Variants in CORIN observed in about 807,000 individuals in gnomAD.
The protein encoded by CORIN is atrial natriuretic peptide-converting enzyme.
In CORIN, 117 loss-of-function variants were observed where a neutral mutation model predicts 125.3. The ratio of observed to expected loss-of-function variants is 0.93; its 90% CI spans 0.80 to 1.09. CORIN has a LOEUF of 1.09. CORIN is among the 50% of genes least tolerant of loss of function. CORIN has a pLI of 0.00. For synonymous variants in CORIN, 450 were observed against 466.4 expected (o/e 0.96, Z 0.45); for missense variants, 1,253 against 1,306.7 (o/e 0.96, Z 0.63).
chr4:47,684,931 G>GA (rs58636467), intron 6 of CORIN, among the ~76,000 whole-genome samples: 7 of 150,722 alleles, frequency 4.6e-5, no homozygotes, highest in Non-Finnish European at 8.9e-5. Context: ...CAAAACAAAA[G>GA]AAAAAAAAAT....
intron 5 of CORIN, among the ~76,000 whole-genome samples, chr4:47,693,550 C>A (rs888804820): frequency 6.6e-6 from 1 of 151,904 alleles, no homozygotes; most frequent in African/African-American, 2.4e-5. Flanking sequence ...AGTAAATAAC[C>A]ATTTACTGTG....
At chr4:47,597,732 A>G (rs1405249075) in intron 21 of CORIN, among the ~76,000 whole-genome samples, 1 of 152,180 alleles carries the variant, frequency 6.6e-6, no homozygotes, top group Non-Finnish European at 1.5e-5. Context: ...TTAAAATGGA[A>G]TGTGTTTAGA....
At chr4:47,777,782 T>A (rs1416700651) in intron 3 of CORIN, among the ~76,000 whole-genome samples, 2 of 152,336 alleles carry the variant, frequency 1.3e-5, no homozygotes, top group Non-Finnish European at 2.9e-5. Flanking sequence ...ACTCATTACC[T>A]TACTCATTTC....
At chr4:47,799,331 T>C (rs1182502765) in intron 2 of CORIN, among the ~76,000 whole-genome samples, 2 of 152,182 alleles carry the variant, frequency 1.3e-5, no homozygotes, top group African/African-American at 4.8e-5. Context: ...GTAGTTCCAT[T>C]TGAAGTTCTT....
chr4:47,812,577 A>G (rs1732108102), intron 1 of CORIN, among the ~76,000 whole-genome samples: 1 of 152,198 alleles, frequency 6.6e-6, no homozygotes, highest in Non-Finnish European at 1.5e-5. Context: ...GAAACATTCA[A>G]GCTGAAAGAG....
chr4:47,635,277 T>C (rs1320770035), intron 16 of CORIN, among the ~76,000 whole-genome samples: 1 of 151,932 alleles, frequency 6.6e-6, no homozygotes. Context: ...TCTGAGGAGC[T>C]ATTATTTTAG....
chr4:47,686,277 T>C (rs1425113331), intron 6 of CORIN, among the ~76,000 whole-genome samples: 2 of 152,032 alleles, frequency 1.3e-5, no homozygotes, highest in African/African-American at 4.8e-5. Context: ...GGTGTGTATG[T>C]GCACAGACAC....
intron 1 of CORIN, among the ~76,000 whole-genome samples, chr4:47,832,128 G>C (rs1434882506): frequency 1.3e-5 from 2 of 152,138 alleles, no homozygotes; most frequent in Non-Finnish European, 2.9e-5. Flanking sequence ...TCCTTCTGTT[G>C]TATTAGTTTC....
chr4:47,618,380 G>GGGAAA (rs1722157864), intron 19 of CORIN, among the ~76,000 whole-genome samples: 2 of 151,226 alleles, frequency 1.3e-5, no homozygotes, highest in African/African-American at 2.4e-5. Context: ...GGGAAAGGAA[G>GGGAAA]GGAAAGGAAA....
intron 1 of CORIN, among the ~76,000 whole-genome samples, chr4:47,818,157 A>T (rs1732353434): frequency 2.0e-5 from 3 of 152,234 alleles, no homozygotes; most frequent in Admixed American, 2.0e-4. Flanking sequence ...ATGGTTTGAA[A>T]AACATAGTTC....
At chr4:47,719,387 T>C (rs915965543) in intron 5 of CORIN, among the ~76,000 whole-genome samples, 3 of 152,178 alleles carry the variant, frequency 2.0e-5, no homozygotes, top group Non-Finnish European at 2.9e-5. Flanking sequence ...ATTTGTTATA[T>C]AAATGAATAG....
chr4:47,600,630 T>C (rs1288740622), intron 20 of CORIN, among the ~76,000 whole-genome samples: 1 of 152,142 alleles, frequency 6.6e-6, no homozygotes, highest in East Asian at 1.9e-4. Context: ...CCTTACCATA[T>C]GCTACAACCA....
Position 47,661,777 on chromosome 4 carries a change from A to T in CORIN, c.1669T>A (p.Cys557Ser), listed in dbSNP as rs1220534731. ...VGLQWPEDTD[C>S]SQFPEENSDN... ...GAATTTTCCTCTGGAAATTGACTGCAATCTGTGTCTTCAGGCCACTGTAGG... is the reference window on the plus strand; with the variant it reads ...GAATTTTCCTCTGGAAATTGACTGCTATCTGTGTCTTCAGGCCACTGTAGG... Residue 557 changes from cysteine to serine, a missense_variant, in exon 12 of 22, where the codon TGC becomes AGC. Coordinates refer to ENST00000273857, the MANE Select transcript of CORIN (RefSeq NM_006587.4). The T allele has an allele frequency of 6.2e-7, 1 of 1,613,632 alleles. No individual in the cohort carries two copies. The highest frequency in any genetic ancestry group is 2.2e-5 in the East Asian group (1 of 44,876).
intron 11 of CORIN, among the ~76,000 whole-genome samples, chr4:47,664,683 GT>G (rs1452325193): frequency 6.6e-6 from 1 of 152,110 alleles, no homozygotes; most frequent in Admixed American, 6.6e-5. Flanking sequence ...AAACACATCA[GT>G]GTTGCCAGAA....
chr4:47,744,597 A>AG lies in CORIN; in HGVS notation c.618-15_618-14insC. On this transcript the variant is annotated splice_polypyrimidine_tract_variant and intron_variant, in intron 4 of 21. Coordinates refer to ENST00000273857, the MANE Select transcript of CORIN (RefSeq NM_006587.4). ...AGGAGTCCATGACTAAAAAAAAAAA[A>AG]AGAGAAAGGTGAAAATTAGTGTCTT... The AG allele has an allele frequency of 1.9e-6, 3 of 1,552,336 alleles. No individual in the cohort carries two copies. The highest frequency in any genetic ancestry group is 2.6e-6 in the Non-Finnish European group (3 of 1,152,740).
At position 47,674,442 on chromosome 4, in the gene CORIN, T is replaced by C. The variant is rs764657546; in HGVS notation, c.1308A>G (p.Ser436=). The change falls in exon 10 of 22, where the codon TCA becomes TCG. Residue 436 remains serine (S), a synonymous_variant. Transcript: ENST00000273857. ...GGTCACAGAGAGAGCTACCACCACATGAATCAAGGCAGGGATTGTAGAGGC... is the reference window on the plus strand; with the variant it reads ...GGTCACAGAGAGAGCTACCACCACACGAATCAAGGCAGGGATTGTAGAGGC... ...QRCLYNPCLD[S]CGGSSLCDPN... 1 of 1,614,030 alleles carries C rather than the reference T, an allele frequency of 6.2e-7. No homozygotes were observed. Among genetic ancestry groups the C allele is most frequent in the Non-Finnish European group, 8.5e-7 (1 of 1,179,910 alleles).
chr4:47,696,915 A>G (rs1393570010), intron 5 of CORIN, among the ~76,000 whole-genome samples: 1 of 152,124 alleles, frequency 6.6e-6, no homozygotes, highest in African/African-American at 2.4e-5. Flanking sequence ...AAAATTATCC[A>G]CCAGCCTGCC....
In CORIN at chr4:47,701,570, G is replaced by A. The variant is rs61761826; in HGVS notation, c.800-8487C>T. ...ATCTGTAACTGGTGGCACTTTGATA[G>A]GAGAGAGAATGTAAATAGAATTTAG... is the stretch of plus-strand genomic sequence containing the variant. On this transcript the variant is annotated intron_variant, in intron 5 of 21. Transcript: ENST00000273857. Among the ~76,000 whole-genome samples, 826 of 152,246 alleles carry A rather than the reference G, an allele frequency of 5.4e-3. 8 individuals carry two copies. Among genetic ancestry groups the A allele is most frequent in the African/African-American group, 0.019 (783 of 41,556 alleles).
At chr4:47,598,589 A>T (rs1721337328) in intron 21 of CORIN, among the ~76,000 whole-genome samples, 1 of 152,168 alleles carries the variant, frequency 6.6e-6, no homozygotes, top group Admixed American at 6.5e-5. Flanking sequence ...AAGAGGTGCT[A>T]GTTTTTGGTA....
Sources: allele counts gnomAD v4.1 joint callset (sites outside exome capture counted in the v4.1 genomes callset), GRCh38; gene constraint gnomAD v4.1.1; transcripts MANE v1.5; gene names NCBI Gene and HGNC (gene_info 2026-07-23, HGNC 2026-07-21).